RNF5: variants seen among roughly 807,000 people sequenced by gnomAD.
RNF5 encodes the protein ring finger protein 5.
Under a neutral mutation model 24.4 loss-of-function variants are expected in RNF5, and 16 were observed. The observed-to-expected ratio is 0.66, with a 90% confidence interval of 0.44 to 1.00. The LOEUF is 1.00. Ranked by LOEUF, RNF5 falls within the 50% of genes least tolerant of loss-of-function variation. The pLI, the probability that RNF5 is intolerant of heterozygous loss-of-function variation, is 0.00. For missense variants in RNF5, 185 were observed against 236.7 expected, an observed-to-expected ratio of 0.78 and a Z score of 1.43; for synonymous variants, 64 against 88.5, an observed-to-expected ratio of 0.72 and a Z score of 1.55.
At position 32,180,089 on chromosome 6, in the gene RNF5, C is replaced by T. The variant is rs201670163; in HGVS notation, c.408C>T (p.Thr136=). The change falls in exon 5 of 6, where the codon ACC becomes ACT. Residue 136 remains threonine, a synonymous_variant. Coordinates refer to ENST00000375094, the MANE Select transcript of RNF5 (RefSeq NM_006913.4). Reference sequence around the variant, plus strand: ...CTTTTCCCTTTGGCTTTTTCACCACCGTCTTCAATGCCCATGAGCCTTTCC... The same window carrying T: ...CTTTTCCCTTTGGCTTTTTCACCACTGTCTTCAATGCCCATGAGCCTTTCC... ...VGAFPFGFFT[T]VFNAHEPFRR... 3.1e-6 allele frequency: 5 copies of T among 1,614,128 alleles called. No individual in the cohort carries two copies. Among genetic ancestry groups the T allele is most frequent in the African/African-American group, 2.7e-5 (2 of 75,028 alleles).
chr6:32,178,416 A>C lies in RNF5; in HGVS notation c.-96A>C, dbSNP rs1785775891. Reference sequence around the variant, plus strand: ...GATTAGGAAACCTTGAAGCCTGCCCAACGATCGTGGGCAGGAGGTGGTTTC... The same window carrying C: ...GATTAGGAAACCTTGAAGCCTGCCCCACGATCGTGGGCAGGAGGTGGTTTC... On this transcript the variant is annotated 5_prime_UTR_variant, in exon 1 of 6. Coordinates refer to ENST00000375094, the MANE Select transcript of RNF5 (RefSeq NM_006913.4). 401 of 883,728 alleles carry C rather than the reference A, an allele frequency of 4.5e-4. No homozygotes were observed. Among genetic ancestry groups the C allele is most frequent in the Middle Eastern group, 7.3e-4 (2 of 2,742 alleles). The allele number at this position is 883,728 out of a possible 1,614,324, so 54.7% of individuals were successfully genotyped here.
rs1561863165 is a variant in RNF5, at chr6:32,179,741, A to T, written c.250A>T (p.Ser84Cys). 6.2e-7 allele frequency: 1 copy of T among 1,614,094 alleles called. No individual in the cohort carries two copies. The highest frequency in any genetic ancestry group is 2.2e-5 in the East Asian group (1 of 44,882). ...EKVVPLYGRG[S>C]QKPQDPRLKT... ...GGTTGTCCCGCTTTATGGGCGAGGG[A>T]GCCAGAAGCCCCAGGATCCCAGGTG... The change falls in exon 3 of 6, where the codon AGC becomes TGC. Residue 84 changes from serine (S) to cysteine (C), a missense_variant. By Grantham distance (112) the Ser-to-Cys change is moderately radical (BLOSUM62 -1). Coordinates refer to ENST00000375094, the MANE Select transcript of RNF5 (RefSeq NM_006913.4). This position sits in a 1 kb window ranked among gnomAD's most constrained non-coding sequence, Gnocchi z 5.4.
In RNF5 at chr6:32,180,131, G is replaced by C; in HGVS notation, c.445+5G>C. 6.2e-7 allele frequency: 1 copy of C among 1,613,642 alleles called. No homozygotes were observed. Among genetic ancestry groups the C allele is most frequent in the Non-Finnish European group, 8.5e-7 (1 of 1,179,908 alleles). ...AGCCTTTCCGCCGGGGTACAGGTAA[G>C]AGTCACACTCAGCTCCCATCAGGGA... On this transcript the variant is annotated splice_donor_5th_base_variant and intron_variant, in intron 5 of 5. Transcript: ENST00000375094.
rs1188564499 is a variant in RNF5, at chr6:32,179,338, T to C, written c.141-203T>C. 3.3e-5 allele frequency among the ~76,000 whole-genome samples: 5 copies of C among 151,898 alleles called. No individual in the cohort carries two copies. Among genetic ancestry groups the C allele is most frequent in the Non-Finnish European group, 7.4e-5 (5 of 67,988 alleles). On this transcript the variant is annotated intron_variant, in intron 1 of 5. Transcript: ENST00000375094. This position sits in a 1 kb window ranked among gnomAD's most constrained non-coding sequence, Gnocchi z 5.4. ...AGGAGAGGGTTGAGTGTGTTGAGGA[T>C]GGACAGAGCTTTAGGTGTTGGAAGA...
At chr6:32,178,683 G>A in intron 1 of RNF5, 32 bp downstream of exon 1, 1 of 1,603,668 alleles carries the variant, frequency 6.2e-7, no homozygotes, top group Non-Finnish European at 8.5e-7. Flanking sequence ...GGGAGGTGGT[G>A]GGTCTCGCTT....
chr6:32,178,764 T>G, intron 1 of RNF5, 113 bp downstream of exon 1: 1 of 1,074,280 alleles, frequency 9.3e-7, no homozygotes, highest in East Asian at 2.6e-5. Context: ...TTCCCATAGG[T>G]GAAGCCCGAC....
In RNF5 at chr6:32,180,257, C is replaced by T. The variant is rs949646537; in HGVS notation, c.474C>T (p.Ala158=). 9.3e-6 allele frequency: 15 copies of T among 1,612,288 alleles called. No individual in the cohort carries two copies. Among genetic ancestry groups the T allele is most frequent in the Non-Finnish European group, 1.3e-5 (15 of 1,179,896 alleles). Residue 158 remains alanine (A), a synonymous_variant, in exon 6 of 6, where the codon GCC becomes GCT. Transcript: ENST00000375094. ...TGGATCTGGGACAGGGTCACCCAGCCTCCAGCTGGCAGGATTCCCTCTTCC... is the reference window on the plus strand; with the variant it reads ...TGGATCTGGGACAGGGTCACCCAGCTTCCAGCTGGCAGGATTCCCTCTTCC... ...TGVDLGQGHP[A]SSWQDSLFLF...
At chr6:32,178,846 T>G (rs1189975876) in intron 1 of RNF5, among the ~76,000 whole-genome samples, 195 bp downstream of exon 1, 1 of 151,694 alleles carries the variant, frequency 6.6e-6, no homozygotes, top group Non-Finnish European at 1.5e-5. Context: ...AGAAAGGTCT[T>G]AGGAACCAGG....
rs1785935786 is a variant in RNF5 at position 32,179,850 on chromosome 6, G to A, written c.273-27G>A. 2 of 1,614,092 alleles carry A rather than the reference G, an allele frequency of 1.2e-6. No homozygotes were observed. The highest frequency in any genetic ancestry group is 1.7e-6 in the Non-Finnish European group (2 of 1,179,980). ...GGAAGATGGGAGGAGAAAAATCCCT[G>A]TTAACTTTCTCTCTCCACTTCCTCA... On this transcript the variant is annotated intron_variant, in intron 3 of 5. Coordinates refer to ENST00000375094, the MANE Select transcript of RNF5 (RefSeq NM_006913.4). This position sits in a 1 kb window ranked among gnomAD's most constrained non-coding sequence, Gnocchi z 5.4.
At position 32,179,677 on chromosome 6, in the gene RNF5, A is replaced by G. The variant is rs114959175; in HGVS notation, c.186A>G (p.Gln62=). ...GGCTGGAGACACGGCCAGAACGGCA[A>G]GAGTGTCCAGTATGTAAAGCTGGGA... is the stretch of plus-strand genomic sequence containing the variant. ...HQWLETRPER[Q]ECPVCKAGIS... The change falls in exon 3 of 6, where the codon CAA becomes CAG. Residue 62 remains glutamine, a synonymous_variant. Transcript: ENST00000375094. This position sits in a 1 kb window ranked among gnomAD's most constrained non-coding sequence, Gnocchi z 5.4. 3.7e-4 allele frequency: 593 copies of G among 1,614,134 alleles called. No individual in the cohort carries two copies. In the African/African-American group the frequency reaches 7.4e-3, roughly 20 times the overall value.
At chr6:32,178,759 A>G in intron 1 of RNF5, 108 bp downstream of exon 1, 1 of 1,143,164 alleles carries the variant, frequency 8.7e-7, no homozygotes, top group Non-Finnish European at 1.2e-6. Flanking sequence ...GCACGTTCCC[A>G]TAGGTGAAGC....
intron 1 of RNF5, 93 bp downstream of exon 1, chr6:32,178,744 G>A: frequency 7.6e-7 from 1 of 1,317,484 alleles, no homozygotes; most frequent in Non-Finnish European, 1.1e-6. Context: ...ACAGATAATC[G>A]GAGGGCACGT....
rs748921200 is a variant in RNF5 at position 32,179,507 on chromosome 6, G to A, written c.141-34G>A. On this transcript the variant is annotated intron_variant, in intron 1 of 5. Coordinates refer to ENST00000375094, the MANE Select transcript of RNF5 (RefSeq NM_006913.4). This position sits in a 1 kb window ranked among gnomAD's most constrained non-coding sequence, Gnocchi z 5.4. Reference sequence around the variant, plus strand: ...TCTGTGTCTCTCTTTTCTGTAGCTAGTTTGACCTTTTTTTTTTTTTCTCCC... The same window carrying A: ...TCTGTGTCTCTCTTTTCTGTAGCTAATTTGACCTTTTTTTTTTTTTCTCCC... The A allele has an allele frequency of 6.2e-7, 1 of 1,610,530 alleles. No homozygotes were observed. The highest frequency in any genetic ancestry group is 8.5e-7 in the Non-Finnish European group (1 of 1,177,400).
intron 5 of RNF5, 38 bp from the exon 6 acceptor site, chr6:32,180,191 A>G (rs760400177): frequency 1.2e-6 from 2 of 1,610,500 alleles, no homozygotes; most frequent in South Asian, 2.2e-5. Context: ...CTCCCAGCCT[A>G]GGAGCATATG....
In RNF5 at chr6:32,179,893, C is replaced by G. The variant is rs1420719178; in HGVS notation, c.289C>G (p.Arg97Gly). 6.2e-7 allele frequency: 1 copy of G among 1,614,180 alleles called. No individual in the cohort carries two copies. The highest frequency in any genetic ancestry group is 8.5e-7 in the Non-Finnish European group (1 of 1,180,018). ...PQDPRLKTPP[R>G]PQGQRPAPES... ...CTTCCTCAGATTAAAAACTCCACCCCGCCCCCAGGGCCAGAGACCAGCTCC... is the reference window on the plus strand; with the variant it reads ...CTTCCTCAGATTAAAAACTCCACCCGGCCCCCAGGGCCAGAGACCAGCTCC... The change falls in exon 4 of 6, where the codon CGC (arginine) becomes GGC (glycine). Residue 97 changes from arginine to glycine, a missense_variant. By Grantham distance (125) the Arg-to-Gly change is moderately radical (BLOSUM62 -2). Transcript: ENST00000375094. The surrounding 1 kb of genome is among the most constrained non-coding windows in gnomAD (Gnocchi z 5.4).
At chr6:32,178,757 C>T (rs1785818676) in intron 1 of RNF5, 106 bp downstream of exon 1, 1 of 1,176,426 alleles carries the variant, frequency 8.5e-7, no homozygotes, top group African/African-American at 1.5e-5. Context: ...GGGCACGTTC[C>T]CATAGGTGAA....
Position 32,180,419 on chromosome 6 carries a change from C to G in RNF5, c.*93C>G. Reference sequence around the variant, plus strand: ...CCGTACTCCTGGACCCCCTTGACCCCTCTATTTCTGTTGGCTAAGGCCAGC... The same window carrying G: ...CCGTACTCCTGGACCCCCTTGACCCGTCTATTTCTGTTGGCTAAGGCCAGC... On this transcript the variant is annotated 3_prime_UTR_variant, in exon 6 of 6. Transcript: ENST00000375094. 2.5e-6 allele frequency: 3 copies of G among 1,196,006 alleles called. No individual in the cohort carries two copies. The Admixed American group carries it at 5.2e-5, about 21-fold the overall frequency. The allele number at this position is 1,196,006 out of a possible 1,614,324, so 74.1% of individuals were successfully genotyped here.
In RNF5 at chr6:32,180,293, C is replaced by T. The variant is rs1417190192; in HGVS notation, c.510C>T (p.Ala170=). The change falls in exon 6 of 6, where the codon GCC becomes GCT. Residue 170 remains alanine (A), a synonymous_variant. Transcript: ENST00000375094. ...AGGATTCCCTCTTCCTGTTTCTCGC[C>T]ATCTTCTTCTTTTTTTGGCTGCTCA... ...SWQDSLFLFL[A]IFFFFWLLSI 6 of 1,610,958 alleles carry T rather than the reference C, an allele frequency of 3.7e-6. No homozygotes were observed. Among genetic ancestry groups the T allele is most frequent in the Non-Finnish European group, 5.1e-6 (6 of 1,179,996 alleles).
At chr6:32,180,177 C>G (rs569803151) in intron 5 of RNF5, 51 bp downstream of exon 5, 17 of 1,609,530 alleles carry the variant, frequency 1.1e-5, no homozygotes, top group African/African-American at 2.7e-5. Context: ...TCCCCTCAGG[C>G]CCCCTCCCAG....
Sources: gnomAD v4.1 joint callset for allele counts (sites outside exome capture counted in the v4.1 genomes callset) on GRCh38, gnomAD v4.1.1 for gene constraint, Gnocchi (gnomAD v3.1) non-coding constraint, MANE v1.5 for transcripts, NCBI Gene and HGNC (gene_info 2026-07-23, HGNC 2026-07-21) for gene names.